CARMIL1: variants seen among roughly 807,000 people sequenced by gnomAD.
CARMIL1 encodes F-actin-uncapping protein LRRC16A.
In CARMIL1, 90 loss-of-function variants were observed where a neutral mutation model predicts 177.1. The ratio of observed to expected loss-of-function variants is 0.51; its 90% CI spans 0.43 to 0.61. The LOEUF (loss-of-function observed/expected upper bound fraction) is 0.61. Among genes scored for constraint, CARMIL1 ranks in the 20% least tolerant of loss-of-function variants. The pLI, the probability that CARMIL1 is intolerant of heterozygous loss-of-function variation, is 0.00. For missense variants in CARMIL1, 1,380 were observed against 1,667.0 expected, an observed-to-expected ratio of 0.83 and a Z score of 3.00; for synonymous variants, 577 against 606.2, an observed-to-expected ratio of 0.95 and a Z score of 0.71.
At chr6:25,321,847 A>T (rs1399196722) in intron 2 of CARMIL1, among the ~76,000 whole-genome samples, 12 of 151,572 alleles carry the variant, frequency 7.9e-5, no homozygotes, top group African/African-American at 2.9e-4. Flanking sequence ...TTTAGTAGGG[A>T]TGGGGTTTCA....
Position 25,577,663 on chromosome 6 carries a change from A to G in CARMIL1, c.2743-3261A>G, listed in dbSNP as rs897142777. Among the ~76,000 whole-genome samples the G allele has an allele frequency of 2.0e-5, 3 of 152,176 alleles. No individual in the cohort carries two copies. Among genetic ancestry groups the G allele is most frequent in the Non-Finnish European group, 4.4e-5 (3 of 68,028 alleles). Reference sequence around the variant, plus strand: ...ATGTTAAAAGTGGGTTTGACAGGAAAAAAATGTTACGTTGTTTGGAAGGTT... The same window carrying G: ...ATGTTAAAAGTGGGTTTGACAGGAAGAAAATGTTACGTTGTTTGGAAGGTT... On this transcript the variant is annotated intron_variant, in intron 29 of 36. Coordinates refer to ENST00000329474, the MANE Select transcript of CARMIL1 (RefSeq NM_017640.6). The surrounding 1 kb of genome is among the most constrained non-coding windows in gnomAD (Gnocchi z 4.5).
chr6:25,616,714 G>A (rs1056153315), intron 36 of CARMIL1, among the ~76,000 whole-genome samples: 33 of 152,264 alleles, frequency 2.2e-4, no homozygotes, highest in African/African-American at 7.2e-4. Flanking sequence ...CAATATAGTC[G>A]TAGTCAACAT....
At chr6:25,451,986 G>GCACCCCCCC in intron 8 of CARMIL1, 2 of 112,672 alleles carry the variant, frequency 1.8e-5, no homozygotes, top group South Asian at 7.1e-5. Context: ...CTAGCATCTT[G>GCACCCCCCC]CCCCCCCCTC....
chr6:25,596,686 T>C (rs1814884040), intron 32 of CARMIL1, among the ~76,000 whole-genome samples: 2 of 152,218 alleles, frequency 1.3e-5, no homozygotes, highest in South Asian at 4.1e-4. Flanking sequence ...CTTTTTTGAA[T>C]ATTTGTATTA....
rs1365966728 is a variant in CARMIL1, at chr6:25,606,073, A to T, written c.3647A>T (p.His1216Leu). The change falls in exon 35 of 37, where the codon CAC becomes CTC. Residue 1216 changes from histidine (H) to leucine (L), a missense_variant. Physicochemically the swap from His to Leu is moderately conservative, Grantham distance 99 (BLOSUM62 -3). Transcript: ENST00000329474. ...SDGGGAVPKL[H>L]PGLPENRFGL... ...TTTTTCATCTTAGTGCCTAAACTGC[A>T]CCCAGGTCTTCCAGAGAACCGCTTT... is the stretch of plus-strand genomic sequence containing the variant. 7 of 1,613,470 alleles carry T rather than the reference A, an allele frequency of 4.3e-6. No individual in the cohort carries two copies. The highest frequency in any genetic ancestry group is 5.9e-6 in the Non-Finnish European group (7 of 1,179,690).
At chr6:25,353,131 T>A (rs1195152467) in intron 2 of CARMIL1, among the ~76,000 whole-genome samples, 1 of 152,214 alleles carries the variant, frequency 6.6e-6, no homozygotes, top group Non-Finnish European at 1.5e-5. Context: ...GTAAGAATTC[T>A]CTGATTCCTG....
intron 2 of CARMIL1, among the ~76,000 whole-genome samples, chr6:25,286,725 G>A (rs1005056938): frequency 6.6e-6 from 1 of 151,984 alleles, no homozygotes; most frequent in Non-Finnish European, 1.5e-5. Flanking sequence ...AAAAAATTGG[G>A]GCTTGGTATT....
intron 11 of CARMIL1, among the ~76,000 whole-genome samples, chr6:25,475,187 C>T (rs1262032678): frequency 6.6e-6 from 1 of 151,888 alleles, no homozygotes; most frequent in Non-Finnish European, 1.5e-5. Flanking sequence ...GGGTGGATCA[C>T]GAAGTCAGGA....
intron 24 of CARMIL1, among the ~76,000 whole-genome samples, chr6:25,537,068 G>A (rs212933): frequency 1.3e-4 from 20 of 152,120 alleles, no homozygotes; most frequent in Non-Finnish European, 2.4e-4. Context: ...ATATAGAAGA[G>A]CATAATCTTA....
chr6:25,381,496 C>A (rs143393364), intron 2 of CARMIL1, among the ~76,000 whole-genome samples: 21 of 152,294 alleles, frequency 1.4e-4, no homozygotes, highest in African/African-American at 3.6e-4. Context: ...AAGTCCAGGT[C>A]TCCTATACTT....
chr6:25,573,626 T>C (rs1193550858), intron 29 of CARMIL1, among the ~76,000 whole-genome samples: 2 of 151,458 alleles, frequency 1.3e-5, no homozygotes, highest in Non-Finnish European at 2.9e-5. Context: ...TTTTTGCTTA[T>C]TTCTTTTTTG....
rs549302762 is a variant in CARMIL1 at position 25,405,270 on chromosome 6, A to G, written c.139-14844A>G. Among the ~76,000 whole-genome samples, 16 of 152,336 alleles carry G rather than the reference A, an allele frequency of 1.1e-4. No homozygotes were observed. In the East Asian group the frequency reaches 2.7e-3, roughly 26 times the overall value. Reference sequence around the variant, plus strand: ...TTGCTCCCTTGAGCATGCCCTTTCTATATGCCCTGGCTTTAGAAGATGGGC... The same window carrying G: ...TTGCTCCCTTGAGCATGCCCTTTCTGTATGCCCTGGCTTTAGAAGATGGGC... On this transcript the variant is annotated intron_variant, in intron 2 of 36. Coordinates refer to ENST00000329474, the MANE Select transcript of CARMIL1 (RefSeq NM_017640.6).
At chr6:25,613,353 C>T (rs530267444) in intron 36 of CARMIL1, among the ~76,000 whole-genome samples, 6 of 152,194 alleles carry the variant, frequency 3.9e-5, no homozygotes, top group Non-Finnish European at 5.9e-5. Flanking sequence ...TCAATGCAGA[C>T]GTTGGATCAT....
intron 23 of CARMIL1, 109 bp from the exon 24 acceptor site, chr6:25,528,686 G>C (rs868146987): frequency 2.6e-6 from 2 of 783,746 alleles, no homozygotes; most frequent in Middle Eastern, 3.5e-4. Context: ...GGCAGGATGT[G>C]TATATTCACG....
chr6:25,356,683 GTTC>G lies in CARMIL1; in HGVS notation c.139-63428_139-63426del, dbSNP rs374363734. Among the ~76,000 whole-genome samples the G allele has an allele frequency of 1.8e-3, 272 of 152,332 alleles. 2 individuals are homozygous for G. Among genetic ancestry groups the G allele is most frequent in the African/African-American group, 6.3e-3 (262 of 41,560 alleles). On this transcript the variant is annotated intron_variant, in intron 2 of 36. Transcript: ENST00000329474. ...GTTCTTAATGCCCTCTGGCAGCCAAGTTCTTATCTTGGGGAGCTACATCACAGG... is the reference window on the plus strand; with the variant it reads ...GTTCTTAATGCCCTCTGGCAGCCAAGTTATCTTGGGGAGCTACATCACAGG...
chr6:25,441,353 G>GTGTGTGTGTGTGTGTGTA lies in CARMIL1; in HGVS notation c.371+5766_371+5767insATGTGTGTGTGTGTGTGT, dbSNP rs1554196435. On this transcript the variant is annotated intron_variant, in intron 5 of 36. Coordinates refer to ENST00000329474, the MANE Select transcript of CARMIL1 (RefSeq NM_017640.6). Reference sequence around the variant, plus strand: ...TATATATATATGTGTGTGTGTGTGTGTGTGTGTGTGTGTGTGTGTCTATGT... The same window carrying GTGTGTGTGTGTGTGTGTA: ...TATATATATATGTGTGTGTGTGTGTGTGTGTGTGTGTGTGTGTATGTGTGTGTGTGTGTGTGTCTATGT... Among the ~76,000 whole-genome samples, 286 of 139,960 alleles carry GTGTGTGTGTGTGTGTGTA rather than the reference G, an allele frequency of 2.0e-3. 5 individuals carry two copies. The highest frequency in any genetic ancestry group is 7.3e-3 in the African/African-American group (263 of 35,940). The allele number at this position is 139,960 out of a possible 152,430, so 91.8% of individuals were successfully genotyped here.
intron 2 of CARMIL1, among the ~76,000 whole-genome samples, chr6:25,367,168 G>A (rs1234745246): frequency 6.6e-6 from 1 of 152,148 alleles, no homozygotes; most frequent in African/African-American, 2.4e-5. Context: ...GGGGGGTGTG[G>A]TTTAGTGCTG....
At chr6:25,389,358 T>C (rs147378929) in intron 2 of CARMIL1, among the ~76,000 whole-genome samples, 2 of 150,920 alleles carry the variant, frequency 1.3e-5, no homozygotes, top group East Asian at 4.2e-4. Flanking sequence ...GTTTTCTTTT[T>C]TGAGATTTGG....
chr6:25,281,450 G>C (rs1442635893), intron 1 of CARMIL1, among the ~76,000 whole-genome samples: 2 of 152,062 alleles, frequency 1.3e-5, no homozygotes, highest in African/African-American at 2.4e-5. Flanking sequence ...GGAAAGTGTA[G>C]GTAATTACTT....
Sources: gnomAD v4.1 joint callset for allele counts (sites outside exome capture counted in the v4.1 genomes callset) on GRCh38, gnomAD v4.1.1 for gene constraint, Gnocchi (gnomAD v3.1) non-coding constraint, MANE v1.5 for transcripts, NCBI Gene and HGNC (gene_info 2026-07-23, HGNC 2026-07-21) for gene names.